EDN1: variants seen among roughly 807,000 people sequenced by gnomAD.
EDN1 encodes the protein endothelin-1.
In EDN1, 11 loss-of-function variants were observed where a neutral mutation model predicts 21.7. The ratio of observed to expected loss-of-function variants is 0.51; its 90% CI spans 0.32 to 0.84. The LOEUF (loss-of-function observed/expected upper bound fraction) is 0.84. Ranked by LOEUF, EDN1 falls within the 40% of genes least tolerant of loss-of-function variation. EDN1 has a pLI of 0.03. For missense variants in EDN1, 244 were observed against 262.3 expected, an observed-to-expected ratio of 0.93 and a Z score of 0.48; for synonymous variants, 85 against 90.6, an observed-to-expected ratio of 0.94 and a Z score of 0.35.
At chr6:12,246,943 C>T in the EDN1 span, among the ~76,000 whole-genome samples, 2 of 152,202 alleles carry the variant, frequency 1.3e-5, no homozygotes, top group Non-Finnish European at 2.9e-5. Context: ...AACATATGTA[C>T]TTACTTTCAT....
chr6:12,293,387 C>T (rs1762735201), intron 2 of EDN1, among the ~76,000 whole-genome samples: 1 of 152,202 alleles, frequency 6.6e-6, no homozygotes, highest in Non-Finnish European at 1.5e-5. Flanking sequence ...AGTCCTTCCA[C>T]AACCATATGG....
chr6:12,286,033 A>G (rs1362368094), upstream of EDN1, among the ~76,000 whole-genome samples: 1 of 152,232 alleles, frequency 6.6e-6, no homozygotes, highest in Non-Finnish European at 1.5e-5. Flanking sequence ...GTAATGATAT[A>G]AAATTTTCTT....
the EDN1 span, among the ~76,000 whole-genome samples, chr6:12,245,568 A>G: frequency 6.6e-6 from 1 of 152,228 alleles, no homozygotes; most frequent in Non-Finnish European, 1.5e-5. Context: ...AGTTCATAGG[A>G]AGGAAGACAT....
At chr6:12,251,673 C>T in the EDN1 span, among the ~76,000 whole-genome samples, 3 of 152,156 alleles carry the variant, frequency 2.0e-5, no homozygotes, top group East Asian at 1.9e-4. Context: ...GAAATCTTTT[C>T]GAACCGATAC....
chr6:12,271,480 A>C, the EDN1 span, among the ~76,000 whole-genome samples: 1 of 152,156 alleles, frequency 6.6e-6, no homozygotes, highest in Non-Finnish European at 1.5e-5. Context: ...CCCTTCTAAA[A>C]TTTTTAATTT....
chr6:12,264,427 G>A, the EDN1 span, among the ~76,000 whole-genome samples: 2 of 152,172 alleles, frequency 1.3e-5, no homozygotes, highest in Non-Finnish European at 2.9e-5. Context: ...AATAATAGGA[G>A]CAGATATATA....
chr6:12,258,061 T>C, the EDN1 span, among the ~76,000 whole-genome samples: 20,717 of 152,062 alleles, frequency 0.14, 1,584 homozygotes, highest in South Asian at 0.3. Flanking sequence ...CCTATCACCC[T>C]GCTTTGGAAG....
At chr6:12,245,291 G>A in the EDN1 span, among the ~76,000 whole-genome samples, 1 of 152,154 alleles carries the variant, frequency 6.6e-6, no homozygotes, top group Non-Finnish European at 1.5e-5. Context: ...AAAATGACTA[G>A]ATTCACCCAC....
At chr6:12,236,347 T>C in the EDN1 span, among the ~76,000 whole-genome samples, 1 of 152,156 alleles carries the variant, frequency 6.6e-6, no homozygotes, top group Non-Finnish European at 1.5e-5. Flanking sequence ...AACCTCCATC[T>C]CTCAGGTTCC....
At chr6:12,286,517 G>T (rs1378073358), upstream of EDN1, among the ~76,000 whole-genome samples, 1 of 152,210 alleles carries the variant, frequency 6.6e-6, no homozygotes, top group South Asian at 2.1e-4. Context: ...CTTTGCCTAT[G>T]ATAAAATACT....
chr6:12,293,901 A>C (rs781099441), intron 2 of EDN1, 40 bp from the exon 3 acceptor site: 1 of 1,609,854 alleles, frequency 6.2e-7, no homozygotes, highest in South Asian at 1.1e-5. Flanking sequence ...AAAGACTATT[A>C]ATTACACTAA....
At chr6:12,275,905 G>C in the EDN1 span, among the ~76,000 whole-genome samples, 1 of 152,044 alleles carries the variant, frequency 6.6e-6, no homozygotes, top group African/African-American at 2.4e-5. Flanking sequence ...GCTCACGCCT[G>C]TAATCCCAGC....
the EDN1 span, among the ~76,000 whole-genome samples, chr6:12,232,917 A>C: frequency 1.3e-5 from 2 of 152,184 alleles, no homozygotes; most frequent in Non-Finnish European, 2.9e-5. Context: ...TCATTAGTAG[A>C]AAGAGGGACA....
chr6:12,250,769 C>A, the EDN1 span, among the ~76,000 whole-genome samples: 1 of 152,166 alleles, frequency 6.6e-6, no homozygotes, highest in Non-Finnish European at 1.5e-5. Context: ...AGGTTTCTTT[C>A]AAAAGATATC....
At chr6:12,248,667 C>T in the EDN1 span, among the ~76,000 whole-genome samples, 1 of 152,180 alleles carries the variant, frequency 6.6e-6, no homozygotes, top group African/African-American at 2.4e-5. Context: ...CACTAAGCTT[C>T]AGGAGAGTGA....
chr6:12,288,313 G>C (rs146988956), upstream of EDN1, among the ~76,000 whole-genome samples: 54 of 152,238 alleles, frequency 3.5e-4, no homozygotes, highest in Admixed American at 9.8e-4. Context: ...GGGAGTGTTG[G>C]GGGGGAGGCG....
chr6:12,236,402 C>A, the EDN1 span, among the ~76,000 whole-genome samples: 2 of 152,006 alleles, frequency 1.3e-5, no homozygotes, highest in African/African-American at 4.8e-5. Flanking sequence ...GGACTACAGG[C>A]GTGTGCCACC....
chr6:12,266,628 G>T, the EDN1 span, among the ~76,000 whole-genome samples: 2 of 152,192 alleles, frequency 1.3e-5, no homozygotes. Flanking sequence ...CCTCTTGCCT[G>T]GTGCTAAGGG....
the EDN1 span, among the ~76,000 whole-genome samples, chr6:12,237,928 G>A: frequency 6.6e-6 from 1 of 152,138 alleles, no homozygotes; most frequent in Non-Finnish European, 1.5e-5. Context: ...CCACCACTTT[G>A]GGAGGCCGAG....
Sources: gnomAD v4.1 joint callset for allele counts (sites outside exome capture counted in the v4.1 genomes callset) on GRCh38, gnomAD v4.1.1 for gene constraint, MANE v1.5 for transcripts, NCBI Gene and HGNC (gene_info 2026-07-23, HGNC 2026-07-21) for gene names.